Variants in PPP2R2B observed in about 807,000 individuals in gnomAD.
The protein encoded by PPP2R2B is serine/threonine-protein phosphatase 2A 55 kDa regulatory subunit B beta isoform.
Under a neutral mutation model 46.0 loss-of-function variants are expected in PPP2R2B, and 5 were observed. That is an observed-to-expected ratio of 0.11 (90% CI 0.06 to 0.23). PPP2R2B has a LOEUF of 0.23. PPP2R2B is among the 10% of genes least tolerant of loss of function. The pLI is 1.00. For synonymous variants in PPP2R2B, 215 were observed against 206.7 expected, an observed-to-expected ratio of 1.04 and a Z score of -0.34; for missense variants, 367 against 575.0, an observed-to-expected ratio of 0.64 and a Z score of 3.70.
At chr5:146,695,303 A>C (rs959383704) in intron 4 of PPP2R2B, among the ~76,000 whole-genome samples, 148 of 152,220 alleles carry the variant, frequency 9.7e-4, no homozygotes, top group African/African-American at 3.6e-3. Context: ...TTTTCCATGA[A>C]CATGTACTAA....
At chr5:146,647,394 T>C (rs558768978) in intron 6 of PPP2R2B, among the ~76,000 whole-genome samples, 1 of 152,304 alleles carries the variant, frequency 6.6e-6, no homozygotes, top group South Asian at 2.1e-4. Context: ...TTTTGAAAGA[T>C]GGCCGCTTCC....
intron 1 of PPP2R2B, among the ~76,000 whole-genome samples, chr5:146,954,090 T>C (rs1751759707): frequency 6.6e-6 from 1 of 151,358 alleles, no homozygotes; most frequent in Non-Finnish European, 1.5e-5. Context: ...CATTTCCCTG[T>C]AGAAGAGAGG....
At chr5:147,023,182 A>C (rs1191566237) in intron 1 of PPP2R2B, among the ~76,000 whole-genome samples, 1 of 152,190 alleles carries the variant, frequency 6.6e-6, no homozygotes, top group Non-Finnish European at 1.5e-5. Context: ...TGCTGTTGTA[A>C]GGTTCTTACA....
intron 1 of PPP2R2B, among the ~76,000 whole-genome samples, chr5:146,982,170 T>G (rs941268285): frequency 6.6e-6 from 1 of 152,210 alleles, no homozygotes; most frequent in Admixed American, 6.5e-5. Context: ...AATTACTGAT[T>G]TGAGATATTT....
At chr5:146,669,461 T>C (rs1013674545) in intron 5 of PPP2R2B, among the ~76,000 whole-genome samples, 2 of 151,964 alleles carry the variant, frequency 1.3e-5, no homozygotes, top group Non-Finnish European at 2.9e-5. Flanking sequence ...GTTTGCATAG[T>C]TTATATTCTA....
At chr5:146,733,207 A>G (rs1329845045) in intron 2 of PPP2R2B, among the ~76,000 whole-genome samples, 1 of 152,202 alleles carries the variant, frequency 6.6e-6, no homozygotes, top group African/African-American at 2.4e-5. Context: ...TAACCCACTC[A>G]GTGCAAGTTA....
At chr5:146,967,225 G>A (rs1193925596) in intron 1 of PPP2R2B, among the ~76,000 whole-genome samples, 3 of 152,172 alleles carry the variant, frequency 2.0e-5, no homozygotes, top group Non-Finnish European at 4.4e-5. Flanking sequence ...CTGAGTTTTG[G>A]TTAAGCCTTT....
intron 1 of PPP2R2B, chr5:146,914,344 C>G (rs1302147111): frequency 6.6e-6 from 1 of 152,178 alleles, no homozygotes; most frequent in South Asian, 2.1e-4. Context: ...CAGAGGAGAA[C>G]ATCCATGGGG....
In PPP2R2B at chr5:146,781,312, A is replaced by G. The variant is rs1324473090; in HGVS notation, c.71-80170T>C. ...AATCTTTGCTCTTAGCCACTACATT[A>G]TCCTGCCTCTCTCATAATTCTCAGC... On this transcript the variant is annotated intron_variant, in intron 2 of 9. Coordinates refer to ENST00000394411, the MANE Select transcript of PPP2R2B (RefSeq NM_181675.4). 2.0e-5 allele frequency among the ~76,000 whole-genome samples: 3 copies of G among 151,094 alleles called. No individual in the cohort carries two copies. In the East Asian group the frequency reaches 5.8e-4, roughly 29 times the overall value.
At chr5:146,881,403 CTTT>C (rs745513540), upstream of PPP2R2B, among the ~76,000 whole-genome samples, 2 of 150,906 alleles carry the variant, frequency 1.3e-5, no homozygotes, top group South Asian at 4.2e-4. Flanking sequence ...TTTTTATTTT[CTTT>C]TTTTATTTTA....
At chr5:146,960,523 C>T (rs1752125829) in intron 1 of PPP2R2B, among the ~76,000 whole-genome samples, 1 of 152,184 alleles carries the variant, frequency 6.6e-6, no homozygotes, top group Middle Eastern at 3.4e-3. Flanking sequence ...CTCCTGAACT[C>T]GTGATCCACC....
intron 2 of PPP2R2B, among the ~76,000 whole-genome samples, chr5:146,801,972 A>T (rs543220262): frequency 6.6e-6 from 1 of 152,312 alleles, no homozygotes; most frequent in Non-Finnish European, 1.5e-5. Context: ...ATTCAAATCA[A>T]TGGGGTAATT....
chr5:147,009,870 C>CAT (rs1754629996), intron 1 of PPP2R2B, among the ~76,000 whole-genome samples: 7 of 132,856 alleles, frequency 5.3e-5, no homozygotes, highest in African/African-American at 1.9e-4. Context: ...CACATACACA[C>CAT]ACACACACAC....
chr5:147,066,902 T>C (rs1757429943), intron 2 of PPP2R2B, among the ~76,000 whole-genome samples: 1 of 152,126 alleles, frequency 6.6e-6, no homozygotes, highest in South Asian at 2.1e-4. Context: ...GCCTGGGTGT[T>C]GGCCAAAAGA....
intron 1 of PPP2R2B, among the ~76,000 whole-genome samples, chr5:146,995,380 G>T (rs939124229): frequency 1.3e-5 from 2 of 152,206 alleles, no homozygotes; most frequent in African/African-American, 4.8e-5. Flanking sequence ...GCTACACTCT[G>T]TGTTGAGGCT....
intron 1 of PPP2R2B, among the ~76,000 whole-genome samples, chr5:146,922,797 A>G (rs1293954226): frequency 1.3e-5 from 2 of 152,092 alleles, no homozygotes; most frequent in Non-Finnish European, 2.9e-5. Context: ...TTAAAATCAG[A>G]AGACTCAGTT....
intron 2 of PPP2R2B, among the ~76,000 whole-genome samples, chr5:146,870,237 G>T (rs189973866): frequency 1.3e-5 from 2 of 152,180 alleles, no homozygotes; most frequent in East Asian, 3.9e-4. Context: ...GGACCAAATT[G>T]TGCCCCCCTC....
At chr5:146,940,871 T>C (rs1764302271) in intron 1 of PPP2R2B, among the ~76,000 whole-genome samples, 1 of 152,150 alleles carries the variant, frequency 6.6e-6, no homozygotes, top group Non-Finnish European at 1.5e-5. Flanking sequence ...CTAAAGAGAA[T>C]ATGAGTGATT....
intron 2 of PPP2R2B, among the ~76,000 whole-genome samples, chr5:146,869,369 A>G (rs1761485859): frequency 6.6e-6 from 1 of 152,260 alleles, no homozygotes; most frequent in South Asian, 2.1e-4. Context: ...TATGTAATAT[A>G]AAAGCTGGAA....
Sources: allele counts gnomAD v4.1 joint callset (sites outside exome capture counted in the v4.1 genomes callset), GRCh38; gene constraint gnomAD v4.1.1; transcripts MANE v1.5; gene names NCBI Gene and HGNC (gene_info 2026-07-23, HGNC 2026-07-21).